The following GPC6 variants were observed in gnomAD, a reference collection of about 807,000 sequenced individuals.
GPC6 encodes the protein glypican 6.
Under a neutral mutation model 55.2 loss-of-function variants are expected in GPC6, and 14 were observed. The observed-to-expected ratio is 0.25, with a 90% CI of 0.17 to 0.40. The LOEUF is 0.40. GPC6 is among the 10% of genes least tolerant of loss of function. The pLI, the probability that GPC6 is intolerant of heterozygous loss-of-function variation, is 1.00. For synonymous variants in GPC6, 278 were observed against 259.6 expected (o/e 1.07, Z -0.68); for missense variants, 641 against 708.5 (o/e 0.90, Z 1.08).
rs537511275 is a variant in GPC6 at position 94,359,690 on chromosome 13, T to C, written c.1153-22724T>C. On this transcript the variant is annotated intron_variant, in intron 6 of 8. Coordinates refer to ENST00000377047, the MANE Select transcript of GPC6 (RefSeq NM_005708.5). ...TTTTTTTTTGAAGAGATAAAGGCTA[T>C]TTTCTAAATACCACTGCTTAGCTAC... is the stretch of plus-strand genomic sequence containing the variant. 5.3e-5 allele frequency among the ~76,000 whole-genome samples: 8 copies of C among 152,208 alleles called. 1 individual carries two copies. The South Asian group carries it at 1.7e-3, about 32-fold the overall frequency.
chr13:94,186,200 A>G (rs1413334768), intron 4 of GPC6, among the ~76,000 whole-genome samples: 1 of 152,050 alleles, frequency 6.6e-6, no homozygotes, highest in Non-Finnish European at 1.5e-5. Context: ...CACAATGCAT[A>G]TTTACTCAGC....
chr13:94,056,440 C>T (rs1027619218), intron 4 of GPC6, among the ~76,000 whole-genome samples: 5 of 152,104 alleles, frequency 3.3e-5, no homozygotes, highest in Admixed American at 1.3e-4. Context: ...ATTCAATACA[C>T]GTGGAGAATG....
At chr13:94,396,083 G>T (rs1880885095) in intron 7 of GPC6, among the ~76,000 whole-genome samples, 1 of 152,320 alleles carries the variant, frequency 6.6e-6, no homozygotes, top group East Asian at 1.9e-4. Flanking sequence ...TGTGGTATCA[G>T]TTCTTGTTCA....
At chr13:93,613,047 C>T (rs1184660003) in intron 2 of GPC6, among the ~76,000 whole-genome samples, 2 of 152,160 alleles carry the variant, frequency 1.3e-5, no homozygotes, top group Non-Finnish European at 2.9e-5. Flanking sequence ...TTCACTTTAA[C>T]TCTCACTTGC....
At chr13:94,296,195 C>T (rs777326462) in intron 5 of GPC6, among the ~76,000 whole-genome samples, 1 of 152,196 alleles carries the variant, frequency 6.6e-6, no homozygotes, top group East Asian at 1.9e-4. Flanking sequence ...CTAGTTTTAA[C>T]TTTCCTTGCA....
At chr13:93,615,891 T>A (rs941071724) in intron 2 of GPC6, among the ~76,000 whole-genome samples, 1 of 152,256 alleles carries the variant, frequency 6.6e-6, no homozygotes, top group South Asian at 2.1e-4. Context: ...CTAACATGGA[T>A]AATGTGTAGT....
chr13:93,949,171 A>G (rs1035564294), intron 3 of GPC6, among the ~76,000 whole-genome samples: 11 of 152,174 alleles, frequency 7.2e-5, no homozygotes, highest in African/African-American at 2.7e-4. Flanking sequence ...AATATTTTTC[A>G]TTTCAAAAAA....
intron 3 of GPC6, among the ~76,000 whole-genome samples, chr13:93,831,444 C>G (rs910856900): frequency 3.3e-5 from 5 of 152,092 alleles, no homozygotes; most frequent in Non-Finnish European, 5.9e-5. Context: ...TATGTCACTC[C>G]AAGAAGGTGT....
rs1017935382 is a variant in GPC6 at position 93,877,602 on chromosome 13, T to C, written c.711+47057T>C. Among the ~76,000 whole-genome samples, 5 of 152,104 alleles carry C rather than the reference T, an allele frequency of 3.3e-5. No individual in the cohort carries two copies. In the East Asian group the frequency reaches 7.7e-4, roughly 24 times the overall value. Reference sequence around the variant, plus strand: ...AGTGTATGATAGACTTGTCAATCCCTAAGTCTATGTTAAGGAATCCAACCC... The same window carrying C: ...AGTGTATGATAGACTTGTCAATCCCCAAGTCTATGTTAAGGAATCCAACCC... On this transcript the variant is annotated intron_variant, in intron 3 of 8. Transcript: ENST00000377047.
chr13:94,228,786 C>T (rs940735328), intron 4 of GPC6, among the ~76,000 whole-genome samples: 1 of 127,734 alleles, frequency 7.8e-6, no homozygotes, highest in Non-Finnish European at 1.6e-5. Flanking sequence ...ACACATATAT[C>T]CTCTTTGGTT....
intron 4 of GPC6, among the ~76,000 whole-genome samples, chr13:94,227,177 ATATAAT>A (rs779857065): frequency 2.0e-5 from 3 of 152,320 alleles, no homozygotes; most frequent in South Asian, 2.1e-4. Context: ...TGCCAGTTAA[ATATAAT>A]TATAATTATA....
chr13:93,439,486 T>C lies in GPC6; in HGVS notation c.161-105777T>C, dbSNP rs60296044. 3.9e-3 allele frequency among the ~76,000 whole-genome samples: 590 copies of C among 152,182 alleles called. 8 individuals carry two copies. The highest frequency in any genetic ancestry group is 0.014 in the African/African-American group (570 of 41,506). ...CACCATGTAAGACATTCCTTGCTCT[T>C]CTGCCGTGATTGTGAGGCCTTCCCA... On this transcript the variant is annotated intron_variant, in intron 1 of 8. Coordinates refer to ENST00000377047, the MANE Select transcript of GPC6 (RefSeq NM_005708.5).
intron 2 of GPC6, among the ~76,000 whole-genome samples, chr13:93,643,930 C>T (rs562629239): frequency 6.6e-6 from 1 of 152,126 alleles, no homozygotes; most frequent in African/African-American, 2.4e-5. Flanking sequence ...TTCAATACAT[C>T]ATCATTTTTC....
chr13:93,584,342 G>A (rs529161546), intron 2 of GPC6, among the ~76,000 whole-genome samples: 22 of 152,216 alleles, frequency 1.4e-4, no homozygotes, highest in Non-Finnish European at 2.4e-4. Context: ...ATCTTTGGGG[G>A]GGTCCCAGAG....
At chr13:94,310,650 C>T (rs928762000) in intron 6 of GPC6, among the ~76,000 whole-genome samples, 2 of 152,140 alleles carry the variant, frequency 1.3e-5, no homozygotes, top group Non-Finnish European at 2.9e-5. Flanking sequence ...ATTCCTCCTC[C>T]ACTATCCCTT....
intron 2 of GPC6, among the ~76,000 whole-genome samples, chr13:93,722,652 A>G (rs1014219760): frequency 1.3e-5 from 2 of 151,922 alleles, no homozygotes; most frequent in African/African-American, 2.4e-5. Flanking sequence ...TAGGACTACC[A>G]TAGCAAAGTA....
At chr13:93,879,029 C>G (rs979980340) in intron 3 of GPC6, among the ~76,000 whole-genome samples, 1 of 152,038 alleles carries the variant, frequency 6.6e-6, no homozygotes, top group Non-Finnish European at 1.5e-5. Flanking sequence ...AAGTGGGAGC[C>G]AGAAGAGTAG....
At chr13:93,962,813 G>C (rs1279445044) in intron 3 of GPC6, among the ~76,000 whole-genome samples, 1 of 152,148 alleles carries the variant, frequency 6.6e-6, no homozygotes, top group East Asian at 1.9e-4. Flanking sequence ...ACTAAAAGAT[G>C]AAAGTGTGTA....
At chr13:93,363,104 T>G (rs1881100919) in intron 1 of GPC6, among the ~76,000 whole-genome samples, 1 of 142,080 alleles carries the variant, frequency 7.0e-6, no homozygotes. Context: ...TTTTTTTTCT[T>G]TCCTTTTTTT....
Sources: gnomAD v4.1 joint callset for allele counts (sites outside exome capture counted in the v4.1 genomes callset) on GRCh38, gnomAD v4.1.1 for gene constraint, MANE v1.5 for transcripts, NCBI Gene and HGNC (gene_info 2026-07-23, HGNC 2026-07-21) for gene names.